Variants in ATF3 observed in about 807,000 individuals in gnomAD.
ATF3 encodes the protein cyclic AMP-dependent transcription factor ATF-3.
ATF3 carries 10 observed loss-of-function variants against 18.4 expected under a neutral mutation model. The ratio of observed to expected loss-of-function variants is 0.54; its 90% CI spans 0.34 to 0.92. The LOEUF (loss-of-function observed/expected upper bound fraction) is 0.92. ATF3 is among the 40% of genes least tolerant of loss of function. The pLI is 0.02. For synonymous variants in ATF3, 78 were observed against 87.9 expected, an observed-to-expected ratio of 0.89 and a Z score of 0.63; for missense variants, 183 against 222.3, an observed-to-expected ratio of 0.82 and a Z score of 1.12.
At chr1:212,607,871 T>G (rs1370835455), upstream of ATF3, among the ~76,000 whole-genome samples, 1 of 152,012 alleles carries the variant, frequency 6.6e-6, no homozygotes, top group African/African-American at 2.4e-5. Context: ...TTGGTTTCAC[T>G]GACATGTTCT....
intron 1 of ATF3, among the ~76,000 whole-genome samples, chr1:212,595,554 G>GT (rs775527236): frequency 2.6e-5 from 4 of 152,226 alleles, no homozygotes; most frequent in African/African-American, 4.8e-5. Flanking sequence ...CCGGAAATGT[G>GT]CGGGGAGTGG....
intron 1 of ATF3, among the ~76,000 whole-genome samples, chr1:212,588,501 A>T (rs1415461835): frequency 6.6e-6 from 1 of 152,114 alleles, no homozygotes; most frequent in African/African-American, 2.4e-5. Context: ...GGGCAGCAGT[A>T]ATTACCTTGT....
upstream of ATF3, among the ~76,000 whole-genome samples, chr1:212,604,642 C>T (rs138938955): frequency 2.4e-4 from 36 of 152,268 alleles, no homozygotes; most frequent in Middle Eastern, 3.4e-3. Context: ...CAGTGCCTTA[C>T]CTATGATGTC....
chr1:212,566,173 T>C (rs1664378836), intron 1 of ATF3, among the ~76,000 whole-genome samples: 1 of 152,178 alleles, frequency 6.6e-6, no homozygotes, highest in Non-Finnish European at 1.5e-5. Context: ...AAGTAAAAGC[T>C]GTGTGACCTT....
In ATF3 at chr1:212,579,743, C is replaced by T. The variant is rs145234843; in HGVS notation, c.-5+14260C>T. 3.3e-3 allele frequency among the ~76,000 whole-genome samples: 508 copies of T among 152,284 alleles called. 1 individual carries two copies. Among genetic ancestry groups the T allele is most frequent in the African/African-American group, 0.011 (477 of 41,556 alleles). The stretch of plus-strand genomic sequence containing the variant: ...AGTATCTCATGGTAGAATAACAATG[C>T]TGTATCCAGATGTGATGGCTGCTTC... On this transcript the variant is annotated intron_variant, in intron 1 of 3. Coordinates refer to the ATF3 transcript ENST00000366981.
chr1:212,619,145 G>A lies in ATF3; in HGVS notation c.349-213G>A, dbSNP rs780448578. On this transcript the variant is annotated intron_variant, in intron 3 of 3. Coordinates refer to ENST00000341491, the MANE Select transcript of ATF3 (RefSeq NM_001674.4). This position sits in a 1 kb window ranked among gnomAD's most constrained non-coding sequence, Gnocchi z 4.4. ...AGCTTCAGTATTAGCAGAGCCACAGGCCGCCTCTGTGGCATCACCAGGGTT... is the reference window on the plus strand; with the variant it reads ...AGCTTCAGTATTAGCAGAGCCACAGACCGCCTCTGTGGCATCACCAGGGTT... The A allele has an allele frequency of 2.5e-6, 4 of 1,613,896 alleles. No homozygotes were observed. Among genetic ancestry groups the A allele is most frequent in the Non-Finnish European group, 3.4e-6 (4 of 1,180,020 alleles).
At chr1:212,610,206 T>C (rs1442187128) in intron 1 of ATF3, among the ~76,000 whole-genome samples, 2 of 152,218 alleles carry the variant, frequency 1.3e-5, no homozygotes, top group Admixed American at 1.3e-4. Context: ...TTCCCTAATT[T>C]CATTGCATAG....
intron 1 of ATF3, among the ~76,000 whole-genome samples, chr1:212,591,251 G>A (rs1475661754): frequency 6.6e-6 from 1 of 152,294 alleles, no homozygotes; most frequent in African/African-American, 2.4e-5. Context: ...GTCTCCCCAG[G>A]CTCCTTAGAC....
rs1173553945 is a variant in ATF3, at chr1:212,569,098, A to T, written c.-5+3615A>T. On this transcript the variant is annotated intron_variant, in intron 1 of 3. Transcript: ENST00000366981. ...AGCCCTTACAGAATAAACTTATTTG[A>T]ATTTTTCCCCTGGCACCCTTTTCTT... Among the ~76,000 whole-genome samples, 2 of 152,160 alleles carry T rather than the reference A, an allele frequency of 1.3e-5. 1 individual carries two copies. The highest frequency in any genetic ancestry group is 4.8e-5 in the African/African-American group (2 of 41,430).
At chr1:212,569,654 A>G (rs1664445316) in intron 1 of ATF3, among the ~76,000 whole-genome samples, 1 of 151,716 alleles carries the variant, frequency 6.6e-6, no homozygotes, top group South Asian at 2.1e-4. Flanking sequence ...CATTCTTTCC[A>G]CCTCATAAGA....
At chr1:212,600,422 C>T (rs566893179) in intron 1 of ATF3, among the ~76,000 whole-genome samples, 2 of 152,366 alleles carry the variant, frequency 1.3e-5, no homozygotes, top group Admixed American at 6.5e-5. Context: ...CACTGTTCTC[C>T]AAACACTGTG....
At chr1:212,594,163 G>C (rs1311629860) in intron 1 of ATF3, among the ~76,000 whole-genome samples, 1 of 152,104 alleles carries the variant, frequency 6.6e-6, no homozygotes, top group Non-Finnish European at 1.5e-5. Context: ...CCAGTTCGGG[G>C]CTCGGTGGAG....
At chr1:212,586,114 T>A (rs1290662326) in intron 1 of ATF3, among the ~76,000 whole-genome samples, 1 of 152,166 alleles carries the variant, frequency 6.6e-6, no homozygotes, top group African/African-American at 2.4e-5. Context: ...GAGTCTGTCC[T>A]CAGCCTGGAT....
At chr1:212,577,020 C>T (rs1289706117) in intron 1 of ATF3, among the ~76,000 whole-genome samples, 6 of 152,012 alleles carry the variant, frequency 3.9e-5, no homozygotes, top group South Asian at 2.1e-4. Context: ...CGTGAGCCAC[C>T]GAGCCCGGCC....
At chr1:212,597,449 ATC>A (rs1654321442) in intron 1 of ATF3, among the ~76,000 whole-genome samples, 3 of 142,668 alleles carry the variant, frequency 2.1e-5, no homozygotes, top group Admixed American at 6.9e-5. Context: ...CTATCTATCT[ATC>A]ATCTATCTCT....
upstream of ATF3, among the ~76,000 whole-genome samples, chr1:212,608,260 G>A (rs1654706496): frequency 6.6e-6 from 1 of 152,210 alleles, no homozygotes; most frequent in South Asian, 2.1e-4. Flanking sequence ...ACGCATTTTA[G>A]AGAAAGGTCG....
intron 1 of ATF3, among the ~76,000 whole-genome samples, chr1:212,570,509 T>C (rs1664461772): frequency 6.6e-6 from 1 of 152,158 alleles, no homozygotes; most frequent in Non-Finnish European, 1.5e-5. Context: ...GAAAAAACAA[T>C]GAATTGTACA....
chr1:212,603,639 A>C (rs1654543533), intron 1 of ATF3, among the ~76,000 whole-genome samples: 1 of 152,206 alleles, frequency 6.6e-6, no homozygotes, highest in East Asian at 1.9e-4. Flanking sequence ...GAAATGATTA[A>C]GTAAATCATA....
Position 212,619,725 on chromosome 1 carries a change from C to G in ATF3, c.*170C>G. The G allele has an allele frequency of 1.1e-6, 1 of 873,456 alleles. No individual in the cohort carries two copies. Among genetic ancestry groups the G allele is most frequent in the Non-Finnish European group, 1.7e-6 (1 of 582,316 alleles). The allele number at this position is 873,456 out of a possible 1,614,324, so 54.1% of individuals were successfully genotyped here. A position where few individuals can be genotyped will look rare whatever the true frequency, so the allele number is the denominator to read the frequency against. On this transcript the variant is annotated 3_prime_UTR_variant, in exon 4 of 4. Coordinates refer to ENST00000341491, the MANE Select transcript of ATF3 (RefSeq NM_001674.4). This position sits in a 1 kb window ranked among gnomAD's most constrained non-coding sequence, Gnocchi z 4.4. The stretch of plus-strand genomic sequence containing the variant: ...GATTCAGCAGGCCCTTCCCATTCTG[C>G]CCCAGAGTGGGTCTTGGACCAGGGC...
Sources: allele counts gnomAD v4.1 joint callset (sites outside exome capture counted in the v4.1 genomes callset), GRCh38; gene constraint gnomAD v4.1.1; non-coding constraint Gnocchi (gnomAD v3.1); transcripts MANE v1.5; gene names NCBI Gene and HGNC (gene_info 2026-07-23, HGNC 2026-07-21).